COL12A1: variants seen among roughly 807,000 people sequenced by gnomAD.
COL12A1 encodes the protein collagen alpha-1(XII) chain.
A neutral mutation model predicts 349.7 loss-of-function variants in COL12A1; 114 were observed. The observed-to-expected ratio is 0.33, with a 90% CI of 0.28 to 0.38. The LOEUF (loss-of-function observed/expected upper bound fraction) is 0.38. COL12A1 is among the 10% of genes least tolerant of loss of function. The pLI, the probability that COL12A1 is intolerant of heterozygous loss-of-function variation, is 1.00. For synonymous variants in COL12A1, 1,369 were observed against 1,329.0 expected, an observed-to-expected ratio of 1.03 and a Z score of -0.66; for missense variants, 3,284 against 3,756.9, an observed-to-expected ratio of 0.87 and a Z score of 3.29.
intron 43 of COL12A1, among the ~76,000 whole-genome samples, chr6:75,122,355 G>C (rs186577444): frequency 5.3e-5 from 8 of 152,234 alleles, no homozygotes; most frequent in African/African-American, 1.9e-4. Context: ...GTCAATGTAG[G>C]TTCATCGGTT....
intron 12 of COL12A1, among the ~76,000 whole-genome samples, chr6:75,175,893 C>A (rs945191727): frequency 1.3e-5 from 2 of 152,204 alleles, no homozygotes; most frequent in Non-Finnish European, 2.9e-5. Context: ...GTGATGTCTG[C>A]TATTTCATGA....
At chr6:75,138,990 G>GT (rs755576627) in intron 27 of COL12A1, 29 bp from the exon 28 acceptor site, 1 of 1,609,240 alleles carries the variant, frequency 6.2e-7, no homozygotes, top group African/African-American at 1.3e-5. Context: ...AGCAGACTAA[G>GT]TTTTTGAATG....
chr6:75,197,143 A>C (rs1770267807), intron 2 of COL12A1, among the ~76,000 whole-genome samples: 1 of 152,208 alleles, frequency 6.6e-6, no homozygotes, highest in Non-Finnish European at 1.5e-5. Context: ...ATAATAAAGC[A>C]GATGTAAGTG....
intron 51 of COL12A1, among the ~76,000 whole-genome samples, chr6:75,109,939 T>C (rs1768750892): frequency 1.3e-5 from 2 of 152,008 alleles, no homozygotes; most frequent in South Asian, 4.1e-4. Context: ...CTTTGAAAAG[T>C]TTGGCAGCAA....
intron 2 of COL12A1, among the ~76,000 whole-genome samples, chr6:75,196,753 A>G (rs1328125601): frequency 1.3e-5 from 2 of 152,226 alleles, no homozygotes; most frequent in Non-Finnish European, 2.9e-5. Context: ...AGGCAGACAC[A>G]CTGGCCTGAG....
chr6:75,113,681 T>C lies in COL12A1; in HGVS notation c.7761A>G (p.Pro2587=), dbSNP rs1768943747. The C allele has an allele frequency of 3.1e-6, 5 of 1,607,174 alleles. No individual in the cohort carries two copies. In the East Asian group the frequency reaches 1.1e-4, roughly 36 times the overall value. ...TTGCAAAAGGGTCACTGGGAGTTTC[T>C]GGGAGAAGTCTGAATAATAATATAA... ...YTIILLFRLL[P]ETPSDPFAIW... The change falls in exon 50 of 66, where the codon CCA becomes CCG. Residue 2587 remains proline, a synonymous_variant. Coordinates refer to ENST00000322507, the MANE Select transcript of COL12A1 (RefSeq NM_004370.6).
Position 75,138,960 on chromosome 6 carries a change from T to C in COL12A1, c.4959A>G (p.Arg1653=), listed in dbSNP as rs1030879884. ...TTAAGTTTGTTGGGGCTGGCACGGG[T>C]CCTATCATGAGAAAAGGCAAGCAGA... is the stretch of plus-strand genomic sequence containing the variant. ...SPPVTAQETT[R]PVPAPTNLKI... Residue 1653 remains arginine (R), a splice_region_variant and synonymous_variant, in exon 28 of 66, where the codon CGA becomes CGG. Coordinates refer to ENST00000322507, the MANE Select transcript of COL12A1 (RefSeq NM_004370.6). The C allele has an allele frequency of 6.2e-7, 1 of 1,613,430 alleles. No homozygotes were observed. The highest frequency in any genetic ancestry group is 1.3e-5 in the African/African-American group (1 of 74,902).
chr6:75,191,730 T>C lies in COL12A1; in HGVS notation c.365A>G (p.Glu122Gly). The C allele has an allele frequency of 2.5e-6, 4 of 1,597,080 alleles. No individual in the cohort carries two copies. The highest frequency in any genetic ancestry group is 3.4e-6 in the Non-Finnish European group (4 of 1,171,654). Residue 122 changes from glutamate to glycine, a missense_variant, in exon 5 of 66, where the codon GAG becomes GGG. By Grantham distance (98) the Glu-to-Gly change is moderately conservative. Coordinates refer to ENST00000322507, the MANE Select transcript of COL12A1 (RefSeq NM_004370.6). ...IQTGSSTKPV[E>G]KKPGKTEIQK... ...TATCTCGGTTTTTCCAGGTTTCTTCTCCACTGGCTTTGTCGAACTACCTGT... is the reference window on the plus strand; with the variant it reads ...TATCTCGGTTTTTCCAGGTTTCTTCCCCACTGGCTTTGTCGAACTACCTGT...
rs765731748 is a variant in COL12A1, at chr6:75,177,949, G to A, written c.2165-14C>T. On this transcript the variant is annotated splice_polypyrimidine_tract_variant and intron_variant, in intron 11 of 65. Coordinates refer to ENST00000322507, the MANE Select transcript of COL12A1 (RefSeq NM_004370.6). ...GTGCTCCTTTTACTGAAATAAAAAA[G>A]GAAAAATAGATTTTAAACCATAAAT... is the stretch of plus-strand genomic sequence containing the variant. 1.2e-5 allele frequency: 19 copies of A among 1,565,800 alleles called. No individual in the cohort carries two copies. Among genetic ancestry groups the A allele is most frequent in the African/African-American group, 9.7e-5 (7 of 72,196 alleles).
Position 75,151,215 on chromosome 6 carries a change from A to G in COL12A1, c.4073T>C (p.Val1358Ala). 6.2e-7 allele frequency: 1 copy of G among 1,613,588 alleles called. No homozygotes were observed. The highest frequency in any genetic ancestry group is 8.5e-7 in the Non-Finnish European group (1 of 1,179,590). ...TDPDDTHAYN[V>A]ADFESLSRIV... Reference sequence around the variant, plus strand: ...CCTGGAGAGTGACTCAAAATCTGCCACATTGTATGCATGGGTATCATCAGG... The same window carrying G: ...CCTGGAGAGTGACTCAAAATCTGCCGCATTGTATGCATGGGTATCATCAGG... Residue 1358 changes from valine to alanine, a missense_variant, in exon 21 of 66, where the codon GTG (valine) becomes GCG (alanine). Physicochemically the swap from Val to Ala is moderately conservative, Grantham distance 64. Transcript: ENST00000322507.
At chr6:75,204,974 G>A (rs374843790) in intron 1 of COL12A1, among the ~76,000 whole-genome samples, 41 of 152,130 alleles carry the variant, frequency 2.7e-4, no homozygotes, top group African/African-American at 9.2e-4. Context: ...CCCTGAACTG[G>A]TCACTGAAGG....
chr6:75,112,719 A>C (rs1202400754), intron 51 of COL12A1, among the ~76,000 whole-genome samples: 1 of 151,654 alleles, frequency 6.6e-6, no homozygotes, highest in Non-Finnish European at 1.5e-5. Context: ...TAACTTTTGG[A>C]TTGATAAAAA....
At chr6:75,093,414 T>A (rs1767862785) in intron 60 of COL12A1, among the ~76,000 whole-genome samples, 1 of 152,206 alleles carries the variant, frequency 6.6e-6, no homozygotes, top group African/African-American at 2.4e-5. Flanking sequence ...CTAACAATGA[T>A]TAAGCCAAGC....
At chr6:75,201,211 A>C (rs1770509035) in intron 2 of COL12A1, among the ~76,000 whole-genome samples, 1 of 152,190 alleles carries the variant, frequency 6.6e-6, no homozygotes, top group South Asian at 2.1e-4. Flanking sequence ...ATTATCTAAA[A>C]ATATCTGTAG....
rs1394966822 is a variant in COL12A1 at position 75,132,050 on chromosome 6, A to G, written c.5827T>C (p.Tyr1943His). The change falls in exon 35 of 66, where the codon TAC becomes CAC. Residue 1943 changes from tyrosine to histidine, a missense_variant. By Grantham distance (83) the Tyr-to-His change is moderately conservative (BLOSUM62 2). This residue lies in a region of COL12A1 where 2,601 missense variants were observed against 2,824.8 expected (regional missense o/e 0.92). Coordinates refer to ENST00000322507, the MANE Select transcript of COL12A1 (RefSeq NM_004370.6). ...TCGAGGCTGTTAGGTGTAGGATTGTATACTTGGACATTTCTTGCCAGTCCT... is the reference window on the plus strand; with the variant it reads ...TCGAGGCTGTTAGGTGTAGGATTGTGTACTTGGACATTTCTTGCCAGTCCT... Reference protein sequence around the residue: ...MRGLARNVQVYNPTPNSLDVR... With the variant: ...MRGLARNVQVHNPTPNSLDVR... The G allele has an allele frequency of 1.2e-6, 2 of 1,613,992 alleles. No homozygotes were observed. The highest frequency in any genetic ancestry group is 2.2e-5 in the East Asian group (1 of 44,900).
chr6:75,149,597 A>G (rs1289932950), intron 21 of COL12A1, among the ~76,000 whole-genome samples: 1 of 152,162 alleles, frequency 6.6e-6, no homozygotes, highest in Non-Finnish European at 1.5e-5. Flanking sequence ...GTCTAACAGG[A>G]AAATGGCCCA....
rs116541142 is a variant in COL12A1, at chr6:75,093,339, T to C, written c.8649+1769A>G. 6.2e-3 allele frequency among the ~76,000 whole-genome samples: 943 copies of C among 152,306 alleles called. 6 individuals carry two copies. The highest frequency in any genetic ancestry group is 0.024 in the Middle Eastern group (7 of 294). ...GAACATCTCATGGAAACATCTCCTA[T>C]AGAATATCAGGTACTATAAGTTAGC... On this transcript the variant is annotated intron_variant, in intron 60 of 65. Coordinates refer to ENST00000322507, the MANE Select transcript of COL12A1 (RefSeq NM_004370.6).
At chr6:75,127,685 G>C (rs905181288) in intron 38 of COL12A1, among the ~76,000 whole-genome samples, 2 of 152,098 alleles carry the variant, frequency 1.3e-5, no homozygotes, top group Non-Finnish European at 2.9e-5. Flanking sequence ...GAACCCAGGC[G>C]TAAGTATTTT....
chr6:75,139,024 T>C, intron 27 of COL12A1, 63 bp from the exon 28 acceptor site: 1 of 1,578,998 alleles, frequency 6.3e-7, no homozygotes, highest in African/African-American at 1.4e-5. Context: ...CAATTTAATA[T>C]AATAAAAACT....
Sources: allele counts gnomAD v4.1 joint callset (sites outside exome capture counted in the v4.1 genomes callset), GRCh38; gene constraint gnomAD v4.1.1; regional missense constraint gnomAD v4.1.1; transcripts MANE v1.5; gene names NCBI Gene and HGNC (gene_info 2026-07-23, HGNC 2026-07-21).